GPRASP3: variants seen among roughly 807,000 people sequenced by gnomAD.
GPRASP3 encodes G protein-coupled receptor associated sorting protein 3.
At chrX:102,722,757 A>G in the GPRASP3 span, among the ~76,000 whole-genome samples, 267 of 111,956 alleles carry the variant, frequency 2.4e-3, 1 homozygote, top group African/African-American at 8.0e-3. Context: ...CGTTATCCCT[A>G]TCAGGAAATA....
chrX:102,747,493 A>G, the GPRASP3 span: 1 of 111,965 alleles, frequency 8.9e-6, no homozygotes, highest in African/African-American at 3.3e-5. Context: ...TGGTATTAAA[A>G]TAACAGTCTC....
the GPRASP3 span, chrX:102,749,227 C>T: frequency 1.7e-6 from 2 of 1,209,961 alleles, no homozygotes; most frequent in African/African-American, 3.5e-5. Flanking sequence ...TCTGTCAGAG[C>T]CTAAGACTCT....
the GPRASP3 span, chrX:102,749,350 A>C: frequency 8.3e-7 from 1 of 1,211,894 alleles, no homozygotes; most frequent in Non-Finnish European, 1.1e-6. Context: ...AGAGGCCACT[A>C]TCAATTCCTG....
At chrX:102,745,629 C>T in the GPRASP3 span, among the ~76,000 whole-genome samples, 3 of 111,324 alleles carry the variant, frequency 2.7e-5, no homozygotes, top group Admixed American at 9.4e-5. Context: ...GGGGCAGACA[C>T]CCAGCAGTCC....
the GPRASP3 span, among the ~76,000 whole-genome samples, chrX:102,735,791 C>T: frequency 8.9e-6 from 1 of 112,706 alleles, no homozygotes. Flanking sequence ...TTAAAATAAT[C>T]CTTTAACCCT....
At chrX:102,721,888 G>C in the GPRASP3 span, among the ~76,000 whole-genome samples, 3 of 111,289 alleles carry the variant, frequency 2.7e-5, no homozygotes, top group Non-Finnish European at 5.7e-5. Flanking sequence ...GTAAGTCCTT[G>C]TCCTCTTTCA....
At chrX:102,728,360 G>A in the GPRASP3 span, among the ~76,000 whole-genome samples, 1 of 108,701 alleles carries the variant, frequency 9.2e-6, no homozygotes. Flanking sequence ...CCATTACCAG[G>A]AATTTTGATT....
chrX:102,738,316 C>T, the GPRASP3 span, among the ~76,000 whole-genome samples: 1 of 112,152 alleles, frequency 8.9e-6, no homozygotes, highest in Non-Finnish European at 1.9e-5. Flanking sequence ...CCCCATCATC[C>T]TGGGTTCTAG....
At chrX:102,750,428 C>T in the GPRASP3 span, 2 of 1,201,676 alleles carry the variant, frequency 1.7e-6, no homozygotes, top group Non-Finnish European at 2.2e-6. Flanking sequence ...CCAACTGCAG[C>T]CAGAGACATG....
At chrX:102,725,463 A>G in the GPRASP3 span, among the ~76,000 whole-genome samples, 1 of 110,802 alleles carries the variant, frequency 9.0e-6, no homozygotes, top group Non-Finnish European at 1.9e-5. Flanking sequence ...GCCCCTTGGT[A>G]GGAAGTAATT....
At chrX:102,750,909 C>T in the GPRASP3 span, 1 of 241,504 alleles carries the variant, frequency 4.1e-6, no homozygotes, top group Non-Finnish European at 7.8e-6. Flanking sequence ...TCATTAGTAT[C>T]TGTGGCTTAA....
chrX:102,728,119 A>ATGG, the GPRASP3 span, among the ~76,000 whole-genome samples: 42 of 111,913 alleles, frequency 3.8e-4, no homozygotes, highest in Admixed American at 3.3e-3. Context: ...CTGCCTCTTG[A>ATGG]TGGTGGTGGT....
chrX:102,728,093 C>G, the GPRASP3 span, among the ~76,000 whole-genome samples: 3 of 111,832 alleles, frequency 2.7e-5, no homozygotes, highest in Non-Finnish European at 5.6e-5. Context: ...ACTATAGATT[C>G]TAATAGTATC....
At chrX:102,732,249 T>C in the GPRASP3 span, among the ~76,000 whole-genome samples, 1 of 112,041 alleles carries the variant, frequency 8.9e-6, no homozygotes, top group Non-Finnish European at 1.9e-5. Context: ...ACAATGGTGG[T>C]TCAGTGGGTC....
At chrX:102,748,842 A>G in the GPRASP3 span, 1 of 544,740 alleles carries the variant, frequency 1.8e-6, no homozygotes, top group Non-Finnish European at 2.9e-6. Flanking sequence ...GTATGTTTGG[A>G]AAGAGAACTT....
chrX:102,744,459 C>T, the GPRASP3 span, among the ~76,000 whole-genome samples: 75 of 111,526 alleles, frequency 6.7e-4, no homozygotes, highest in African/African-American at 2.2e-3. Context: ...AGAATCATAA[C>T]CTAGAGTGAT....
the GPRASP3 span, among the ~76,000 whole-genome samples, chrX:102,735,700 G>A: frequency 3.4e-4 from 38 of 112,171 alleles, no homozygotes; most frequent in South Asian, 0.012. Flanking sequence ...GAGCCACCGC[G>A]CCCGGCTGAA....
chrX:102,750,697 A>G, the GPRASP3 span: 1 of 944,188 alleles, frequency 1.1e-6, no homozygotes, highest in Non-Finnish European at 1.4e-6. Context: ...GCTGTACATT[A>G]CAGTGTACAC....
At chrX:102,748,908 C>T in the GPRASP3 span, 1 of 969,820 alleles carries the variant, frequency 1.0e-6, no homozygotes, top group African/African-American at 1.9e-5. Flanking sequence ...TTTTCCCCGA[C>T]CCAGTGAAAG....
Sources: gnomAD v4.1 joint callset for allele counts (sites outside exome capture counted in the v4.1 genomes callset) on GRCh38, gnomAD v4.1.1 for gene constraint, MANE v1.5 for transcripts, NCBI Gene and HGNC (gene_info 2026-07-23, HGNC 2026-07-21) for gene names.